TENM3: variants seen among roughly 807,000 people sequenced by gnomAD.
TENM3 encodes the protein teneurin transmembrane protein 3.
TENM3 carries 63 observed loss-of-function variants against 255.1 expected under a neutral mutation model. The ratio of observed to expected loss-of-function variants is 0.25; its 90% CI spans 0.20 to 0.30. The LOEUF (loss-of-function observed/expected upper bound fraction) is 0.30. Ranked by LOEUF, TENM3 falls within the 10% of genes least tolerant of loss-of-function variation. TENM3 has a pLI of 1.00. For missense variants in TENM3, 2,929 were observed against 3,461.1 expected (o/e 0.85, Z 3.86); for synonymous variants, 1,306 against 1,322.3 (o/e 0.99, Z 0.27).
chr4:181,547,061 TAAATG>T, the TENM3 span, among the ~76,000 whole-genome samples: 1 of 152,166 alleles, frequency 6.6e-6, no homozygotes, highest in African/African-American at 2.4e-5. Flanking sequence ...ACTTTATTCT[TAAATG>T]TAATGAGTTA....
At chr4:182,448,312 G>T (rs1024491090) in intron 3 of TENM3, among the ~76,000 whole-genome samples, 6 of 152,184 alleles carry the variant, frequency 3.9e-5, no homozygotes, top group African/African-American at 1.4e-4. Context: ...CTGCGTTCAC[G>T]AGCGACACCC....
At chr4:181,853,326 T>C in the TENM3 span, among the ~76,000 whole-genome samples, 5 of 152,340 alleles carry the variant, frequency 3.3e-5, no homozygotes, top group Admixed American at 2.6e-4. Flanking sequence ...TTTTGCTTTA[T>C]TGTAACTTTA....
intron 12 of TENM3, among the ~76,000 whole-genome samples, chr4:182,692,208 T>C (rs1757060413): frequency 6.6e-6 from 1 of 152,246 alleles, no homozygotes; most frequent in Non-Finnish European, 1.5e-5. Context: ...CCTATGGGAC[T>C]GTCCTGTGGA....
the TENM3 span, among the ~76,000 whole-genome samples, chr4:181,896,469 T>A: frequency 3.3e-5 from 5 of 152,198 alleles, no homozygotes; most frequent in East Asian, 1.9e-4. Flanking sequence ...CTCAAAGACA[T>A]CCTGGTATTT....
the TENM3 span, among the ~76,000 whole-genome samples, chr4:181,742,078 G>T: frequency 6.6e-6 from 1 of 151,902 alleles, no homozygotes; most frequent in Non-Finnish European, 1.5e-5. Flanking sequence ...CAGTGAGCTC[G>T]GCAATTCCTT....
chr4:182,712,990 A>G (rs2072358707), intron 12 of TENM3, among the ~76,000 whole-genome samples: 1 of 152,242 alleles, frequency 6.6e-6, no homozygotes, highest in African/African-American at 2.4e-5. Flanking sequence ...AATCTACCCA[A>G]GTGTCATCCT....
the TENM3 span, among the ~76,000 whole-genome samples, chr4:181,480,270 C>T: frequency 6.6e-6 from 1 of 152,062 alleles, no homozygotes; most frequent in Admixed American, 6.6e-5. Context: ...AATAGTTGCT[C>T]ATGCAGAAGG....
At chr4:181,701,783 A>G in the TENM3 span, among the ~76,000 whole-genome samples, 3 of 152,242 alleles carry the variant, frequency 2.0e-5, no homozygotes, top group African/African-American at 7.2e-5. Context: ...AACTTTCTTT[A>G]ATAAATGGAT....
intron 1 of TENM3, among the ~76,000 whole-genome samples, chr4:182,309,707 T>C (rs1229103759): frequency 5.3e-5 from 8 of 152,182 alleles, no homozygotes; most frequent in Non-Finnish European, 1.0e-4. Context: ...TTTAGCAAAA[T>C]AGCAATTTCG....
intron 1 of TENM3, among the ~76,000 whole-genome samples, chr4:182,261,372 G>T (rs1053886659): frequency 3.9e-5 from 6 of 152,234 alleles, no homozygotes; most frequent in Admixed American, 6.5e-5. Context: ...AGTTCACCTT[G>T]GGCAGTTATG....
chr4:182,272,559 G>A (rs531653860), intron 1 of TENM3, among the ~76,000 whole-genome samples: 7 of 152,162 alleles, frequency 4.6e-5, no homozygotes, highest in Non-Finnish European at 8.8e-5. Context: ...TCAAGCTTAG[G>A]CCACTGGTTT....
At chr4:182,561,496 T>C (rs953654302) in intron 3 of TENM3, among the ~76,000 whole-genome samples, 20 of 151,848 alleles carry the variant, frequency 1.3e-4, no homozygotes, top group Non-Finnish European at 5.9e-5. Context: ...TAATGGATTA[T>C]GGATAGTTTT....
chr4:181,599,689 C>T, the TENM3 span, among the ~76,000 whole-genome samples: 2 of 152,128 alleles, frequency 1.3e-5, no homozygotes, highest in African/African-American at 4.8e-5. Context: ...AAAATAAGAT[C>T]AGATTTAGGA....
chr4:182,340,774 A>G (rs994324062), intron 2 of TENM3, among the ~76,000 whole-genome samples: 1 of 152,182 alleles, frequency 6.6e-6, no homozygotes, highest in African/African-American at 2.4e-5. Context: ...ACCTAATAAG[A>G]AATGCTTTCC....
the TENM3 span, among the ~76,000 whole-genome samples, chr4:181,638,929 T>C: frequency 1.3e-5 from 2 of 152,232 alleles, no homozygotes; most frequent in African/African-American, 4.8e-5. Flanking sequence ...ATTGAAAGAC[T>C]GTTCATGCAT....
intron 3 of TENM3, among the ~76,000 whole-genome samples, chr4:182,500,265 T>C (rs1161482084): frequency 6.6e-6 from 1 of 152,104 alleles, no homozygotes; most frequent in Non-Finnish European, 1.5e-5. Flanking sequence ...GACAAGTAAA[T>C]GAGTTCATGG....
Position 182,793,022 on chromosome 4 carries a change from T to G in TENM3, c.6350T>G (p.Ile2117Ser), listed in dbSNP as rs1459462290. ...ATGGGTCGGGTAACCAAGAGAGAGA[T>G]TAAAATAGGGCCCTTTGCCAACACC... ...DNMGRVTKRE[I>S]KIGPFANTTK... Residue 2117 changes from isoleucine (I) to serine (S), a missense_variant, in exon 26 of 28, where the codon ATT becomes AGT. Ile to Ser is a moderately radical substitution (Grantham distance 142). Around this residue, in one of 6 missense-constraint regions of TENM3, gnomAD observed 256 missense variants for 389.3 expected, o/e 0.66. Coordinates refer to ENST00000511685, the MANE Select transcript of TENM3 (RefSeq NM_001080477.4). This position sits in a 1 kb window ranked among gnomAD's most constrained non-coding sequence, Gnocchi z 5.7. The G allele has an allele frequency of 6.2e-7, 1 of 1,613,730 alleles. No individual in the cohort carries two copies. The highest frequency in any genetic ancestry group is 8.5e-7 in the Non-Finnish European group (1 of 1,179,856).
chr4:182,211,546 A>G (rs946034226), intron 1 of TENM3, among the ~76,000 whole-genome samples: 1 of 152,216 alleles, frequency 6.6e-6, no homozygotes, highest in East Asian at 1.9e-4. Context: ...TACACTCCCA[A>G]TGTTAACCAC....
chr4:182,130,329 T>C, the TENM3 span, among the ~76,000 whole-genome samples: 1 of 152,178 alleles, frequency 6.6e-6, no homozygotes, highest in Non-Finnish European at 1.5e-5. Context: ...CAAAATTTGA[T>C]ATCTAAAAAG....
Sources: allele counts gnomAD v4.1 joint callset (sites outside exome capture counted in the v4.1 genomes callset), GRCh38; gene constraint gnomAD v4.1.1; regional missense constraint gnomAD v4.1.1; non-coding constraint Gnocchi (gnomAD v3.1); transcripts MANE v1.5; gene names NCBI Gene and HGNC (gene_info 2026-07-23, HGNC 2026-07-21).